ZNF322: variants seen among roughly 807,000 people sequenced by gnomAD.
ZNF322 encodes zinc finger protein 322, also known as HLA complex group 12.
In ZNF322, 1 loss-of-function variant was observed where a neutral mutation model predicts 18.3. That is an observed-to-expected ratio of 0.05 (90% confidence interval 0.02 to 0.26). ZNF322 has a LOEUF of 0.26. Among genes scored for constraint, ZNF322 ranks in the 10% least tolerant of loss-of-function variants. The probability of loss-of-function intolerance (pLI) is 1.00; values close to 1 mark genes in which losing one functional copy is unlikely to be tolerated. For missense variants in ZNF322, 36 were observed against 403.6 expected (o/e 0.09, Z 7.80); for synonymous variants, 17 against 130.7 (o/e 0.13, Z 5.93).
chr6:26,658,148 T>C (rs1443972896), intron 2 of ZNF322, among the ~76,000 whole-genome samples: 1 of 152,136 alleles, frequency 6.6e-6, no homozygotes, highest in Non-Finnish European at 1.5e-5. Context: ...GAAATAGGTA[T>C]TAATACCAGT....
chr6:26,645,830 G>A (rs956521712), intron 2 of ZNF322, among the ~76,000 whole-genome samples: 2 of 151,914 alleles, frequency 1.3e-5, no homozygotes, highest in Non-Finnish European at 2.9e-5. Context: ...TCGGGAGTTC[G>A]AGACCAGCCT....
At position 26,659,643 on chromosome 6, in the gene ZNF322, G is replaced by C. The variant is rs1765848608; in HGVS notation, c.-537C>G. On this transcript the variant is annotated 5_prime_UTR_variant, in exon 1 of 4. Coordinates refer to ENST00000415922, the MANE Select transcript of ZNF322 (RefSeq NM_024639.5). Reference sequence around the variant, plus strand: ...TCGTGCGCCTAGACTAGAGGAGTTGGGGCCAGGCCGCCCACAGAGCGCTTT... The same window carrying C: ...TCGTGCGCCTAGACTAGAGGAGTTGCGGCCAGGCCGCCCACAGAGCGCTTT... The C allele has an allele frequency of 6.0e-6, 1 of 166,042 alleles. No individual in the cohort carries two copies. The highest frequency in any genetic ancestry group is 1.9e-4 in the East Asian group (1 of 5,208). The allele number at this position is 166,042 out of a possible 1,614,324, so 10.3% of individuals were successfully genotyped here.
chr6:26,646,851 A>AAATTTATTAAAATATC (rs1296720785), intron 2 of ZNF322, among the ~76,000 whole-genome samples: 2 of 152,156 alleles, frequency 1.3e-5, no homozygotes, highest in Non-Finnish European at 2.9e-5. Context: ...TCAAGCGACC[A>AAATTTATTAAAATATC]AAGGTCCTTT....
chr6:26,645,205 G>C (rs1554148614), intron 2 of ZNF322, among the ~76,000 whole-genome samples: 1 of 152,154 alleles, frequency 6.6e-6, no homozygotes, highest in Non-Finnish European at 1.5e-5. Flanking sequence ...GATAACAGTG[G>C]CTACAGAAAT....
chr6:26,654,678 T>C (rs1554149552), intron 2 of ZNF322, among the ~76,000 whole-genome samples: 1 of 152,122 alleles, frequency 6.6e-6, no homozygotes, highest in African/African-American at 2.4e-5. Flanking sequence ...GAAAGTTTTT[T>C]TGCATTAGAA....
chr6:26,657,954 A>T (rs553222541), intron 2 of ZNF322, among the ~76,000 whole-genome samples: 10 of 152,254 alleles, frequency 6.6e-5, no homozygotes, highest in South Asian at 4.1e-4. Context: ...CCAAGCAGAC[A>T]GGCTAATTCA....
rs1765346820 is a variant in ZNF322, at chr6:26,636,104, T to G, written c.*1241A>C. On this transcript the variant is annotated 3_prime_UTR_variant, in exon 4 of 4. Transcript: ENST00000415922. ...AAGATTGGTCCTGCAAAGGAAAAAC[T>G]ATTAGGAGAGTTTTGATCTAGGATA... The G allele has an allele frequency of 1.3e-5, 2 of 149,890 alleles. No homozygotes were observed. Among genetic ancestry groups the G allele is most frequent in the Non-Finnish European group, 3.0e-5 (2 of 67,654 alleles). The allele number at this position is 149,890 out of a possible 1,614,324, so 9.3% of individuals were successfully genotyped here.
chr6:26,654,074 A>C (rs1765720646), intron 2 of ZNF322, among the ~76,000 whole-genome samples: 1 of 152,170 alleles, frequency 6.6e-6, no homozygotes, highest in African/African-American at 2.4e-5. Context: ...ACACTACTTA[A>C]TGTGTATCCT....
intron 2 of ZNF322, among the ~76,000 whole-genome samples, chr6:26,650,230 T>C (rs1247009180): frequency 6.6e-5 from 10 of 152,124 alleles, no homozygotes; most frequent in Admixed American, 5.9e-4. Flanking sequence ...AGCTGTTCAA[T>C]CTCATAATTA....
At chr6:26,658,137 T>G (rs782033405) in intron 2 of ZNF322, among the ~76,000 whole-genome samples, 6 of 152,124 alleles carry the variant, frequency 3.9e-5, no homozygotes, top group Non-Finnish European at 8.8e-5. Flanking sequence ...AAGGACCCTA[T>G]GAAATAGGTA....
At chr6:26,655,173 A>C (rs1405909082) in intron 2 of ZNF322, among the ~76,000 whole-genome samples, 1 of 152,236 alleles carries the variant, frequency 6.6e-6, no homozygotes, top group Non-Finnish European at 1.5e-5. Flanking sequence ...AATTAAATTA[A>C]ATGACTGATG....
chr6:26,652,367 C>T (rs1407030120), intron 2 of ZNF322, among the ~76,000 whole-genome samples: 1 of 152,030 alleles, frequency 6.6e-6, no homozygotes, highest in African/African-American at 2.4e-5. Context: ...CCTTAAAACT[C>T]AACAAGAAAA....
chr6:26,652,100 C>T (rs939026387), intron 2 of ZNF322, among the ~76,000 whole-genome samples: 6 of 152,152 alleles, frequency 3.9e-5, no homozygotes, highest in Non-Finnish European at 8.8e-5. Context: ...TCCCATAGTG[C>T]TAGGATTATA....
chr6:26,653,000 T>A (rs190122827), intron 2 of ZNF322, among the ~76,000 whole-genome samples: 2 of 152,320 alleles, frequency 1.3e-5, no homozygotes, highest in East Asian at 1.9e-4. Context: ...AATAATTTTT[T>A]AAATGTACAT....
In ZNF322 at chr6:26,635,876, GAT is replaced by G. The variant is rs1460374506; in HGVS notation, c.*1467_*1468del. On this transcript the variant is annotated 3_prime_UTR_variant, in exon 4 of 4. Transcript: ENST00000415922. ...GTGGGTAGCTACTGCTGAAAGAGAT[GAT>G]AAGTGAAGCCACAAAAATATGGACA... The G allele has an allele frequency of 1.8e-5, 2 of 111,696 alleles. No homozygotes were observed. The highest frequency in any genetic ancestry group is 9.9e-5 in the Admixed American group (1 of 10,118). 6.9% of individuals were successfully genotyped at this position (111,696 alleles called of 1,614,324 possible). A position where few individuals can be genotyped will look rare whatever the true frequency, so the allele number is the denominator to read the frequency against.
In ZNF322 at chr6:26,645,798, G is replaced by C. The variant is rs529304509; in HGVS notation, c.-245-2070C>G. Among the ~76,000 whole-genome samples, 104 of 152,176 alleles carry C rather than the reference G, an allele frequency of 6.8e-4. 2 individuals are homozygous for C. Among genetic ancestry groups the C allele is most frequent in the African/African-American group, 2.5e-3 (102 of 41,514 alleles). On this transcript the variant is annotated intron_variant, in intron 2 of 3. Transcript: ENST00000415922. ...TGTAATCCCCGCACTTTGGGAGACC[G>C]AGGCAGGCGGATCATATGAGGTCGG...
intron 2 of ZNF322, among the ~76,000 whole-genome samples, chr6:26,647,784 GCAC>G: frequency 6.6e-6 from 1 of 151,678 alleles, no homozygotes; most frequent in East Asian, 1.9e-4. Context: ...CGAAAATGAA[GCAC>G]AACTTCCTAA....
At chr6:26,646,032 AAAATAAAT>A (rs58017104) in intron 2 of ZNF322, among the ~76,000 whole-genome samples, 28,045 of 147,632 alleles carry the variant, frequency 0.19, 2,826 homozygotes, top group African/African-American at 0.24. Context: ...ACTCCGCCTC[AAAATAAAT>A]AAATAAATAA....
chr6:26,654,433 T>C (rs1336327281), intron 2 of ZNF322, among the ~76,000 whole-genome samples: 1 of 152,054 alleles, frequency 6.6e-6, no homozygotes, highest in Non-Finnish European at 1.5e-5. Flanking sequence ...GAAATGGCTG[T>C]TTCCACGGTT....
Sources: gnomAD v4.1 joint callset for allele counts (sites outside exome capture counted in the v4.1 genomes callset) on GRCh38, gnomAD v4.1.1 for gene constraint, MANE v1.5 for transcripts, NCBI Gene and HGNC (gene_info 2026-07-23, HGNC 2026-07-21) for gene names.